Variants in ZNF333 observed in about 807,000 individuals in gnomAD.
ZNF333 encodes the protein zinc finger protein 333.
A neutral mutation model predicts 76.1 loss-of-function variants in ZNF333; 61 were observed. The observed-to-expected ratio is 0.80, with a 90% CI of 0.65 to 0.99. ZNF333 has a LOEUF of 0.99. ZNF333 is among the 50% of genes least tolerant of loss of function. The pLI, the probability that ZNF333 is intolerant of heterozygous loss-of-function variation, is 0.00. For missense variants in ZNF333, 717 were observed against 822.4 expected (o/e 0.87, Z 1.57); for synonymous variants, 284 against 305.0 (o/e 0.93, Z 0.72).
At chr19:14,715,568 T>TC in intron 8 of ZNF333, 98 bp downstream of exon 8, 1 of 1,190,242 alleles carries the variant, frequency 8.4e-7, no homozygotes. Flanking sequence ...ATAGGGTTGG[T>TC]CTCCATGCTT....
At chr19:14,714,069 C>T (rs749200647) in intron 7 of ZNF333, among the ~76,000 whole-genome samples, 4 of 151,916 alleles carry the variant, frequency 2.6e-5, no homozygotes, top group East Asian at 1.9e-4. Context: ...GCCCTTGGAA[C>T]GGTGGAGATG....
intron 7 of ZNF333, among the ~76,000 whole-genome samples, chr19:14,713,268 T>C (rs749856898): frequency 1.3e-5 from 2 of 152,240 alleles, no homozygotes; most frequent in African/African-American, 4.8e-5. Context: ...TCATGGGTCC[T>C]GAGCAAGTTT....
Position 14,721,083 on chromosome 19 carries a change from G to T in ZNF333, c.*1758G>T, listed in dbSNP as rs1321274164. On this transcript the variant is annotated 3_prime_UTR_variant, in exon 12 of 12. Transcript: ENST00000292530. ...TTACTATTAATAGATAGTAGCCACTGCCTGAAGCTTTGCATCTTTTAATTT... is the reference window on the plus strand; with the variant it reads ...TTACTATTAATAGATAGTAGCCACTTCCTGAAGCTTTGCATCTTTTAATTT... The T allele has an allele frequency of 1.7e-6, 1 of 583,056 alleles. No individual in the cohort carries two copies. 36.1% of individuals were successfully genotyped at this position (583,056 alleles called of 1,614,324 possible).
At chr19:14,698,893 A>AATATATATAT (rs1555771012) in intron 4 of ZNF333, among the ~76,000 whole-genome samples, 5 of 113,110 alleles carry the variant, frequency 4.4e-5, no homozygotes, top group African/African-American at 1.5e-4. Flanking sequence ...CACACACACA[A>AATATATATAT]ATATAGATAT....
chr19:14,703,873 G>A (rs557930477), intron 5 of ZNF333, among the ~76,000 whole-genome samples: 1 of 152,194 alleles, frequency 6.6e-6, no homozygotes, highest in Non-Finnish European at 1.5e-5. Flanking sequence ...TTGGCCCTGT[G>A]AATGATGGAT....
In ZNF333 at chr19:14,717,643, C is replaced by A; in HGVS notation, c.824-14C>A. The A allele has an allele frequency of 6.2e-7, 1 of 1,612,076 alleles. No individual in the cohort carries two copies. The highest frequency in any genetic ancestry group is 8.5e-7 in the Non-Finnish European group (1 of 1,178,342). Reference sequence around the variant, plus strand: ...CTCTGTGTGCTTAACTTTTTCTTCCCTAATTCATTTCAGAACCTCAGTGTC... The same window carrying A: ...CTCTGTGTGCTTAACTTTTTCTTCCATAATTCATTTCAGAACCTCAGTGTC... On this transcript the variant is annotated splice_polypyrimidine_tract_variant and intron_variant, in intron 10 of 11. Coordinates refer to ENST00000292530, the MANE Select transcript of ZNF333 (RefSeq NM_032433.4).
rs757387631 is a variant in ZNF333, at chr19:14,718,563, CAT to C, written c.1237_1238del (p.Met413GlufsTer10). 9 of 1,614,018 alleles carry C rather than the reference CAT, an allele frequency of 5.6e-6. 1 individual carries two copies. Among genetic ancestry groups the C allele is most frequent in the Non-Finnish European group, 5.9e-6 (7 of 1,180,032 alleles). On this transcript the variant is annotated frameshift_variant, in exon 12 of 12. Transcript: ENST00000292530. LOFTEE classifies it high-confidence loss of function. ...FKYSSNLRRH[M>X]RTHTGEKPFE... is the part of the protein sequence containing the mutation. Reference sequence around the variant, plus strand: ...AATATTCCTCGAATCTCCGGCGACACATGAGAACCCATACCGGAGAGAAGCCA... The same window carrying C: ...AATATTCCTCGAATCTCCGGCGACACGAGAACCCATACCGGAGAGAAGCCA...
Position 14,690,093 on chromosome 19 carries a change from T to TGCGCGGCGCGGCGCG in ZNF333, c.-97_-83dup, listed in dbSNP as rs201562479. 10 of 147,842 alleles carry TGCGCGGCGCGGCGCG rather than the reference T, an allele frequency of 6.8e-5. No individual in the cohort carries two copies. The highest frequency in any genetic ancestry group is 2.2e-4 in the South Asian group (1 of 4,550). The allele number at this position is 147,842 out of a possible 1,614,324, so 9.2% of individuals were successfully genotyped here. ...GCGGCCGACGGCGGCTGAGCTGTGC[T>TGCGCGGCGCGGCGCG]GCGCGGCGCGGCGCGGTGCGGCACG... On this transcript the variant is annotated 5_prime_UTR_variant, in exon 1 of 12. Coordinates refer to ENST00000292530, the MANE Select transcript of ZNF333 (RefSeq NM_032433.4).
At chr19:14,722,612 G>A (rs1387942615), downstream of ZNF333, among the ~76,000 whole-genome samples, 1 of 151,998 alleles carries the variant, frequency 6.6e-6, no homozygotes, top group Non-Finnish European at 1.5e-5. Flanking sequence ...TAAGATTTTG[G>A]TGTAGTCCAA....
chr19:14,712,682 G>T (rs1430588907), intron 7 of ZNF333, among the ~76,000 whole-genome samples: 7 of 152,098 alleles, frequency 4.6e-5, no homozygotes, highest in Non-Finnish European at 8.8e-5. Context: ...CTTGGCTTGT[G>T]GATGCAGCCC....
At chr19:14,710,984 G>A (rs1410323623) in intron 7 of ZNF333, among the ~76,000 whole-genome samples, 2 of 151,886 alleles carry the variant, frequency 1.3e-5, no homozygotes, top group Non-Finnish European at 2.9e-5. Flanking sequence ...GGGGAGGGAA[G>A]GGAAGGGAAG....
chr19:14,691,128 A>AT (rs1288997728), intron 1 of ZNF333, among the ~76,000 whole-genome samples: 2 of 151,922 alleles, frequency 1.3e-5, no homozygotes, highest in Admixed American at 6.6e-5. Flanking sequence ...GGAGTTCTTA[A>AT]TTTTTTTTGT....
In ZNF333 at chr19:14,716,105, G is replaced by C. The variant is rs900362973; in HGVS notation, c.601-7G>C. 6.2e-7 allele frequency: 1 copy of C among 1,613,880 alleles called. No homozygotes were observed. The highest frequency in any genetic ancestry group is 8.5e-7 in the Non-Finnish European group (1 of 1,179,954). ...CCTGGCTGAGCCGGGATGGATGTGT[G>C]TTTTAGGAACCAGTCACCTTTGCAG... On this transcript the variant is annotated splice_region_variant and splice_polypyrimidine_tract_variant and intron_variant, in intron 8 of 11. Coordinates refer to ENST00000292530, the MANE Select transcript of ZNF333 (RefSeq NM_032433.4).
chr19:14,702,537 A>G (rs1217208134), intron 5 of ZNF333, among the ~76,000 whole-genome samples: 1 of 151,988 alleles, frequency 6.6e-6, no homozygotes, highest in Non-Finnish European at 1.5e-5. Context: ...AAGAAAAATA[A>G]AACTCCCCAA....
At chr19:14,711,781 G>A (rs1334511463) in intron 7 of ZNF333, among the ~76,000 whole-genome samples, 1 of 152,184 alleles carries the variant, frequency 6.6e-6, no homozygotes, top group Non-Finnish European at 1.5e-5. Flanking sequence ...GGACAGGATG[G>A]TGAAAGGCAC....
intron 4 of ZNF333, among the ~76,000 whole-genome samples, chr19:14,698,701 C>T (rs1254264529): frequency 6.6e-6 from 1 of 150,806 alleles, no homozygotes; most frequent in Non-Finnish European, 1.5e-5. Context: ...ATTAGCCAGA[C>T]GTGGTGGCGG....
chr19:14,719,449 AC>A lies in ZNF333; in HGVS notation c.*126del. 1 of 1,193,984 alleles carries A rather than the reference AC, an allele frequency of 8.4e-7. No individual in the cohort carries two copies. Among genetic ancestry groups the A allele is most frequent in the Non-Finnish European group, 1.1e-6 (1 of 882,804 alleles). The allele number at this position is 1,193,984 out of a possible 1,614,324, so 74.0% of individuals were successfully genotyped here. A position where few individuals can be genotyped will look rare whatever the true frequency, so the allele number is the denominator to read the frequency against. ...TGGTTTAATTGTAAGTATTGTCTTAACCTCCATTATCGTTTATTCTTTGACC... is the reference window on the plus strand; with the variant it reads ...TGGTTTAATTGTAAGTATTGTCTTAACTCCATTATCGTTTATTCTTTGACC... On this transcript the variant is annotated 3_prime_UTR_variant, in exon 12 of 12. Transcript: ENST00000292530.
intron 1 of ZNF333, among the ~76,000 whole-genome samples, chr19:14,692,604 C>G (rs1478334607): frequency 2.0e-5 from 3 of 152,094 alleles, no homozygotes; most frequent in Non-Finnish European, 4.4e-5. Context: ...CCTCCACCTC[C>G]CGGGTTCCAG....
intron 7 of ZNF333, among the ~76,000 whole-genome samples, chr19:14,710,103 A>C (rs1349322418): frequency 6.6e-6 from 1 of 152,056 alleles, no homozygotes; most frequent in Admixed American, 6.6e-5. Context: ...GTGGAGAGAG[A>C]GTGGTGTGAG....
Sources: gnomAD v4.1 joint callset for allele counts (sites outside exome capture counted in the v4.1 genomes callset) on GRCh38, gnomAD v4.1.1 for gene constraint, MANE v1.5 for transcripts, NCBI Gene and HGNC (gene_info 2026-07-23, HGNC 2026-07-21) for gene names.